The following PDILT variants were observed in gnomAD, a reference collection of about 807,000 sequenced individuals.
PDILT encodes the protein protein disulfide isomerase like, testis expressed.
A neutral mutation model predicts 53.7 loss-of-function variants in PDILT; 43 were observed. The observed-to-expected ratio is 0.80, with a 90% CI of 0.63 to 1.03. The LOEUF is 1.03. Among genes scored for constraint, PDILT ranks in the 50% least tolerant of loss-of-function variants. The pLI is 0.00. For synonymous variants in PDILT, 282 were observed against 274.2 expected, an observed-to-expected ratio of 1.03 and a Z score of -0.28; for missense variants, 727 against 712.3, an observed-to-expected ratio of 1.02 and a Z score of -0.24.
chr16:20,362,498 A>T lies in PDILT; in HGVS notation c.1322T>A (p.Ile441Asn). ...GRKYQNHSTI[I>N]IAKIDVTAND... ...TGCTGTGACATCGATCTTGGCAATG[A>T]TAATTGTGGAGTGGTTTTGATATTT... The change falls in exon 10 of 12, where the codon ATC becomes AAC. Residue 441 changes from isoleucine (I) to asparagine (N), a missense_variant. Transcript: ENST00000302451. 6.2e-7 allele frequency: 1 copy of T among 1,614,198 alleles called. No homozygotes were observed. The highest frequency in any genetic ancestry group is 8.5e-7 in the Non-Finnish European group (1 of 1,180,038).
At chr16:20,375,161 T>C (rs989760486) in intron 4 of PDILT, among the ~76,000 whole-genome samples, 2 of 152,192 alleles carry the variant, frequency 1.3e-5, no homozygotes, top group African/African-American at 4.8e-5. Flanking sequence ...AATAGGCAAG[T>C]CCTCAGAGAT....
intron 1 of PDILT, among the ~76,000 whole-genome samples, chr16:20,403,149 C>T (rs1043240388): frequency 4.6e-5 from 7 of 152,140 alleles, no homozygotes; most frequent in South Asian, 2.1e-4. Context: ...CCCTGTATGC[C>T]GTGGAGAGAC....
At chr16:20,379,719 T>C (rs1250999927) in intron 3 of PDILT, among the ~76,000 whole-genome samples, 2 of 152,212 alleles carry the variant, frequency 1.3e-5, no homozygotes, top group African/African-American at 4.8e-5. Flanking sequence ...GCAGATGCCA[T>C]GTTCAACTTT....
intron 1 of PDILT, among the ~76,000 whole-genome samples, chr16:20,404,006 T>C (rs1381735953): frequency 6.6e-6 from 1 of 152,228 alleles, no homozygotes. Flanking sequence ...CATATCACCA[T>C]TGTTTGCATC....
intron 2 of PDILT, among the ~76,000 whole-genome samples, chr16:20,398,074 G>A (rs1446255747): frequency 6.6e-6 from 1 of 152,134 alleles, no homozygotes; most frequent in African/African-American, 2.4e-5. Context: ...TATCAAATAG[G>A]GAGATGACTA....
Position 20,360,467 on chromosome 16 carries a change from C to T in PDILT, c.1506+101G>A, listed in dbSNP as rs904311315. ...TTCTCCATCCATCCTCAACCATCTC[C>T]CAAGATTATGGAACTCCAGCCATAC... On this transcript the variant is annotated intron_variant, in intron 11 of 11. Transcript: ENST00000302451. 9.8e-6 allele frequency: 11 copies of T among 1,119,856 alleles called. No homozygotes were observed. In the African/African-American group the frequency reaches 1.2e-4, roughly 12 times the overall value. 69.4% of individuals were successfully genotyped at this position (1,119,856 alleles called of 1,614,324 possible).
At chr16:20,388,608 T>C (rs1309434201) in intron 2 of PDILT, among the ~76,000 whole-genome samples, 2 of 152,202 alleles carry the variant, frequency 1.3e-5, no homozygotes, top group African/African-American at 4.8e-5. Context: ...CTGGCTTCTT[T>C]CTTTAAAAAT....
intron 3 of PDILT, among the ~76,000 whole-genome samples, chr16:20,381,162 C>T (rs565315984): frequency 6.6e-6 from 1 of 152,370 alleles, no homozygotes; most frequent in East Asian, 1.9e-4. Flanking sequence ...GCCATCAATC[C>T]TTGGAGATTA....
Position 20,362,393 on chromosome 16 carries a change from G to A in PDILT, c.1416+11C>T. On this transcript the variant is annotated intron_variant, in intron 10 of 11. Coordinates refer to ENST00000302451, the MANE Select transcript of PDILT (RefSeq NM_174924.2). Reference sequence around the variant, plus strand: ...TTGTTTTCAGCCATGTGCGTCCCAAGAGCCCCTCACTTGTTGAGAGCCGCT... The same window carrying A: ...TTGTTTTCAGCCATGTGCGTCCCAAAAGCCCCTCACTTGTTGAGAGCCGCT... The A allele has an allele frequency of 6.2e-7, 1 of 1,613,242 alleles. No homozygotes were observed. The highest frequency in any genetic ancestry group is 8.5e-7 in the Non-Finnish European group (1 of 1,179,440).
chr16:20,367,070 TC>T (rs1966219186), intron 8 of PDILT, among the ~76,000 whole-genome samples: 1 of 131,682 alleles, frequency 7.6e-6, no homozygotes, highest in Non-Finnish European at 1.6e-5. Flanking sequence ...TTTCTTTCTT[TC>T]TTTCTTTCTT....
In PDILT at chr16:20,374,978, T is replaced by G. The variant is rs1966363664; in HGVS notation, c.544-19A>C. 2 of 1,594,272 alleles carry G rather than the reference T, an allele frequency of 1.3e-6. No individual in the cohort carries two copies. ...CTAAATCCTATTTGGGAAAGGATGT[T>G]TGGAAAGGCTTTGGTAGAAATCAAG... On this transcript the variant is annotated intron_variant, in intron 4 of 11. Transcript: ENST00000302451.
chr16:20,382,546 G>A (rs1375596789), intron 3 of PDILT, among the ~76,000 whole-genome samples: 1 of 152,154 alleles, frequency 6.6e-6, no homozygotes, highest in African/African-American at 2.4e-5. Flanking sequence ...ACTACTCACT[G>A]GGCAGCTTTG....
Position 20,359,354 on chromosome 16 carries a change from G to C in PDILT, c.1720C>G (p.Gln574Glu). 1 of 1,614,096 alleles carries C rather than the reference G, an allele frequency of 6.2e-7. No homozygotes were observed. The highest frequency in any genetic ancestry group is 8.5e-7 in the Non-Finnish European group (1 of 1,180,020). ...TCCTTGACTTTTGGTTTCTTCTTTT[G>C]CACTGGAGGTCCCTTTGGCTTAGCC... ...VVAKPKGPPV[Q>E]KKKPKVKEEL is the part of the protein sequence containing the mutation. Residue 574 changes from glutamine to glutamate, a missense_variant, in exon 12 of 12, where the codon CAA becomes GAA. By Grantham distance (29) the Gln-to-Glu change is conservative. Transcript: ENST00000302451.
At position 20,369,831 on chromosome 16, in the gene PDILT, T is replaced by C. The variant is rs553585894; in HGVS notation, c.919-142A>G. 22 of 769,860 alleles carry C rather than the reference T, an allele frequency of 2.9e-5. No individual in the cohort carries two copies. In the East Asian group the frequency reaches 5.3e-4, roughly 19 times the overall value. The allele number at this position is 769,860 out of a possible 1,614,324, so 47.7% of individuals were successfully genotyped here. ...AATGTAACAAAGGCAGGTGGAGCTC[T>C]GCACCGAAATGCATGGCAGGCAGTA... On this transcript the variant is annotated intron_variant, in intron 7 of 11. Coordinates refer to ENST00000302451, the MANE Select transcript of PDILT (RefSeq NM_174924.2).
At chr16:20,400,042 CTATCTATCTATCTATA>C (rs1237987677) in intron 1 of PDILT, among the ~76,000 whole-genome samples, 8 of 121,028 alleles carry the variant, frequency 6.6e-5, no homozygotes, top group African/African-American at 2.6e-4. Flanking sequence ...ATCTATCTAT[CTATCTATCTATCTATA>C]TATATATATA....
chr16:20,399,441 G>A (rs973686757), intron 1 of PDILT, 134 bp from the exon 2 acceptor site: 3 of 875,202 alleles, frequency 3.4e-6, no homozygotes, highest in Non-Finnish European at 3.5e-6. Flanking sequence ...AGCAATGCCT[G>A]CAGCTTGGCA....
At chr16:20,393,902 A>T (rs1275104124) in intron 2 of PDILT, among the ~76,000 whole-genome samples, 1 of 152,226 alleles carries the variant, frequency 6.6e-6, no homozygotes, top group East Asian at 1.9e-4. Context: ...TGAAGAGCTG[A>T]TGCACATTCA....
chr16:20,363,881 G>C (rs1005364610), intron 9 of PDILT, among the ~76,000 whole-genome samples: 2 of 152,110 alleles, frequency 1.3e-5, no homozygotes, highest in African/African-American at 4.8e-5. Flanking sequence ...GGAAACCAGA[G>C]ACCAGCTCCA....
At chr16:20,372,952 A>T in intron 6 of PDILT, 25 bp from the exon 7 acceptor site, 1 of 1,613,926 alleles carries the variant, frequency 6.2e-7, no homozygotes, top group Non-Finnish European at 8.5e-7. Context: ...AAAATATGTC[A>T]TCCCAAGCAC....
Sources: gnomAD v4.1 joint callset for allele counts (sites outside exome capture counted in the v4.1 genomes callset) on GRCh38, gnomAD v4.1.1 for gene constraint, MANE v1.5 for transcripts, NCBI Gene and HGNC (gene_info 2026-07-23, HGNC 2026-07-21) for gene names.